The following PCNX2 variants were observed in gnomAD, a reference collection of about 807,000 sequenced individuals.
PCNX2 encodes the protein pecanex 2.
Under a neutral mutation model 223.8 loss-of-function variants are expected in PCNX2, and 168 were observed. That is an observed-to-expected ratio of 0.75 (90% CI 0.66 to 0.85). The LOEUF is 0.85. Among genes scored for constraint, PCNX2 ranks in the 40% least tolerant of loss-of-function variants. PCNX2 has a pLI of 0.00. For missense variants in PCNX2, 2,507 were observed against 2,675.5 expected, an observed-to-expected ratio of 0.94 and a Z score of 1.39; for synonymous variants, 1,006 against 1,052.6, an observed-to-expected ratio of 0.96 and a Z score of 0.86.
intron 21 of PCNX2, among the ~76,000 whole-genome samples, chr1:233,105,207 CA>C (rs1674696165): frequency 6.6e-6 from 1 of 152,118 alleles, no homozygotes; most frequent in Non-Finnish European, 1.5e-5. Context: ...TATAAAAACA[CA>C]TCATCATCAA....
At chr1:233,104,775 T>C (rs1158811194) in intron 21 of PCNX2, among the ~76,000 whole-genome samples, 3 of 151,818 alleles carry the variant, frequency 2.0e-5, no homozygotes, top group Admixed American at 2.0e-4. Flanking sequence ...ACAAAAGTAG[T>C]CTGATCCATG....
At chr1:233,247,279 A>G (rs1659179876) in intron 8 of PCNX2, among the ~76,000 whole-genome samples, 1 of 152,224 alleles carries the variant, frequency 6.6e-6, no homozygotes, top group Admixed American at 6.5e-5. Flanking sequence ...GAAGCACTGT[A>G]TATGTCCTGT....
Position 233,208,547 on chromosome 1 carries a change from A to T in PCNX2, c.2834T>A (p.Phe945Tyr), listed in dbSNP as rs1681622522. The T allele has an allele frequency of 6.2e-7, 1 of 1,613,782 alleles. No individual in the cohort carries two copies. The highest frequency in any genetic ancestry group is 8.5e-7 in the Non-Finnish European group (1 of 1,179,852). ...VYGLKLFSPV[F>Y]LQSARDYLIV... ...TAAGTAGTCCCTAGCTGATTGTAGA[A>T]ACACTGGAGAGAAGAGCTTCAGGCC... is the stretch of plus-strand genomic sequence containing the variant. Residue 945 changes from phenylalanine to tyrosine, a missense_variant, in exon 13 of 34, where the codon TTT becomes TAT. Transcript: ENST00000258229.
At chr1:232,985,788 C>T (rs1027808378) in intron 33 of PCNX2, 7 of 590,512 alleles carry the variant, frequency 1.2e-5, no homozygotes, top group South Asian at 2.1e-5. Flanking sequence ...GGGCATTCTC[C>T]GTCATGCCCC....
chr1:233,218,882 T>G (rs1271131704), intron 10 of PCNX2, among the ~76,000 whole-genome samples: 2 of 152,124 alleles, frequency 1.3e-5, no homozygotes, highest in African/African-American at 4.8e-5. Flanking sequence ...GGGGGATGCA[T>G]TCACACCTGG....
chr1:233,074,726 C>T lies in PCNX2; in HGVS notation c.4076+15335G>A, dbSNP rs535876305. On this transcript the variant is annotated intron_variant, in intron 23 of 33. Coordinates refer to ENST00000258229, the MANE Select transcript of PCNX2 (RefSeq NM_014801.4). ...TAGGTAAGAAATTCTCAAAATTCAA[C>T]AGTAGAAAAAAAGTCCAATTAGAAA... 8.2e-5 allele frequency among the ~76,000 whole-genome samples: 12 copies of T among 146,362 alleles called. No individual in the cohort carries two copies. In the South Asian group the frequency reaches 2.6e-3, roughly 32 times the overall value.
At chr1:233,268,793 T>C (rs112324889) in intron 1 of PCNX2, among the ~76,000 whole-genome samples, 1 of 152,140 alleles carries the variant, frequency 6.6e-6, no homozygotes, top group Non-Finnish European at 1.5e-5. Flanking sequence ...AGCCAGCCTC[T>C]CCACCCCCAT....
At chr1:233,250,715 G>A (rs1163920592) in intron 8 of PCNX2, 24 bp downstream of exon 8, 15 of 1,579,942 alleles carry the variant, frequency 9.5e-6, no homozygotes, top group Non-Finnish European at 1.3e-5. Context: ...CAGCTCTCAA[G>A]CCTGGAAACA....
At chr1:233,279,958 A>T (rs934544855) in intron 1 of PCNX2, among the ~76,000 whole-genome samples, 4 of 152,122 alleles carry the variant, frequency 2.6e-5, no homozygotes, top group Non-Finnish European at 5.9e-5. Context: ...CTATGTTCTT[A>T]TTAACGTTTT....
At chr1:233,123,041 A>T (rs1558254047) in intron 21 of PCNX2, among the ~76,000 whole-genome samples, 2 of 152,226 alleles carry the variant, frequency 1.3e-5, no homozygotes, top group African/African-American at 2.4e-5. Context: ...CTAAGGAAAC[A>T]GGATAACTCA....
In PCNX2 at chr1:233,213,630, C is replaced by T. The variant is rs549182744; in HGVS notation, c.2691+4269G>A. Among the ~76,000 whole-genome samples the T allele has an allele frequency of 3.3e-5, 5 of 152,124 alleles. No homozygotes were observed. The East Asian group carries it at 7.7e-4, about 24-fold the overall frequency. ...TAACCTGAAGTGGATACCAAATGTC[C>T]TCCCTGAATAGTAGCAACAGTTAAT... On this transcript the variant is annotated intron_variant, in intron 12 of 33. Coordinates refer to ENST00000258229, the MANE Select transcript of PCNX2 (RefSeq NM_014801.4).
At chr1:233,011,376 A>G (rs1162904245) in intron 28 of PCNX2, among the ~76,000 whole-genome samples, 2 of 152,182 alleles carry the variant, frequency 1.3e-5, no homozygotes, top group Admixed American at 6.5e-5. Flanking sequence ...AAGCTAGGAA[A>G]AGAAGAAAAC....
At chr1:233,118,009 CAA>C (rs35266392) in intron 21 of PCNX2, among the ~76,000 whole-genome samples, 14 of 115,348 alleles carry the variant, frequency 1.2e-4, no homozygotes, top group Middle Eastern at 4.5e-3. Flanking sequence ...GACTCCGTCT[CAA>C]AAAAAAAAAA....
chr1:233,181,749 G>A (rs1679813863), intron 15 of PCNX2, among the ~76,000 whole-genome samples: 1 of 152,162 alleles, frequency 6.6e-6, no homozygotes, highest in Non-Finnish European at 1.5e-5. Flanking sequence ...TTTTTGTTGT[G>A]TTCTCACATG....
At chr1:232,999,801 T>A (rs1413742696) in intron 30 of PCNX2, among the ~76,000 whole-genome samples, 1 of 152,202 alleles carries the variant, frequency 6.6e-6, no homozygotes, top group East Asian at 1.9e-4. Context: ...CTTTTCACAG[T>A]TAAGCCAGAA....
chr1:233,265,716 G>C (rs1011976860), intron 1 of PCNX2, among the ~76,000 whole-genome samples: 5 of 152,176 alleles, frequency 3.3e-5, no homozygotes, highest in South Asian at 4.2e-4. Context: ...ATTAATAACA[G>C]GGGGGTCCAT....
intron 21 of PCNX2, among the ~76,000 whole-genome samples, chr1:233,106,871 T>G (rs1035169735): frequency 2.1e-4 from 32 of 152,224 alleles, no homozygotes; most frequent in African/African-American, 7.7e-4. Flanking sequence ...CACATTGTCC[T>G]GAGATTTTTC....
At chr1:233,048,255 G>A (rs145301358) in intron 25 of PCNX2, among the ~76,000 whole-genome samples, 7,818 of 152,212 alleles carry the variant, frequency 0.051, 271 homozygotes, top group Middle Eastern at 0.088. Context: ...TCAGGAGTTC[G>A]AGACCAGCCT....
At chr1:233,185,114 CACACACACACACACACAT>C (rs1477714764) in intron 15 of PCNX2, among the ~76,000 whole-genome samples, 12 of 151,690 alleles carry the variant, frequency 7.9e-5, no homozygotes, top group African/African-American at 2.7e-4. Context: ...CACACACACA[CACACACACACACACACAT>C]CCCTCAGATT....
Sources: allele counts gnomAD v4.1 joint callset (sites outside exome capture counted in the v4.1 genomes callset), GRCh38; gene constraint gnomAD v4.1.1; transcripts MANE v1.5; gene names NCBI Gene and HGNC (gene_info 2026-07-23, HGNC 2026-07-21).